AFAP1: variants seen among roughly 807,000 people sequenced by gnomAD.
AFAP1 encodes the protein actin filament-associated protein 1.
AFAP1 carries 75 observed loss-of-function variants against 93.9 expected under a neutral mutation model. The ratio of observed to expected loss-of-function variants is 0.80; its 90% CI spans 0.66 to 0.97. The LOEUF (loss-of-function observed/expected upper bound fraction) is 0.97, where lower values mean the gene tolerates loss of function less well. AFAP1 is among the 50% of genes least tolerant of loss of function. The pLI is 0.00. For missense variants in AFAP1, 1,201 were observed against 1,050.8 expected (o/e 1.14, Z -1.98); for synonymous variants, 517 against 430.7 (o/e 1.20, Z -2.48).
rs142081499 is a variant in AFAP1, at chr4:7,843,284, C to T, written c.401G>A (p.Gly134Glu). The T allele has an allele frequency of 6.2e-7, 1 of 1,614,118 alleles. No homozygotes were observed. The highest frequency in any genetic ancestry group is 8.5e-7 in the Non-Finnish European group (1 of 1,180,014). ...GGGCCACTGGTGCCGGGTTTTCTTC[C>T]CCTTCCCATCCTCCTCCTCTTCATC... The part of the protein sequence containing the change: ...SYDEEEEDGK[G>E]KKTRHQWPSE... Residue 134 changes from glycine (G) to glutamate (E), a missense_variant, in exon 5 of 18, where the codon GGG (glycine) becomes GAG (glutamate). By Grantham distance (98) the Gly-to-Glu change is moderately conservative (BLOSUM62 -2). Transcript: ENST00000420658.
intron 5 of AFAP1, among the ~76,000 whole-genome samples, chr4:7,840,113 ACAGACCAGGAC>A (rs1204530977): frequency 6.6e-6 from 1 of 152,118 alleles, no homozygotes; most frequent in Non-Finnish European, 1.5e-5. Flanking sequence ...CTGAAAAGTG[ACAGACCAGGAC>A]CAGACCAGGA....
chr4:7,866,957 T>C (rs941516282), intron 3 of AFAP1, among the ~76,000 whole-genome samples: 1 of 150,760 alleles, frequency 6.6e-6, no homozygotes, highest in Admixed American at 6.6e-5. Flanking sequence ...GAGGATTGCT[T>C]GAGTCCAAGA....
At chr4:7,933,905 G>A (rs1449444595) in intron 1 of AFAP1, among the ~76,000 whole-genome samples, 6 of 152,244 alleles carry the variant, frequency 3.9e-5, no homozygotes, top group African/African-American at 9.6e-5. Flanking sequence ...ACTGTGAGAT[G>A]ATACAATTTC....
At chr4:7,892,730 C>G (rs755630082) in intron 1 of AFAP1, among the ~76,000 whole-genome samples, 1 of 152,150 alleles carries the variant, frequency 6.6e-6, no homozygotes, top group Non-Finnish European at 1.5e-5. Context: ...ACCGAACAAA[C>G]CACCATCATT....
chr4:7,791,047 C>T (rs886883137), intron 11 of AFAP1, among the ~76,000 whole-genome samples: 2 of 152,212 alleles, frequency 1.3e-5, no homozygotes, highest in Non-Finnish European at 2.9e-5. Flanking sequence ...AGTATCCATT[C>T]ACCATTCAAG....
At chr4:7,795,571 C>T (rs528648140) in intron 10 of AFAP1, among the ~76,000 whole-genome samples, 33 of 151,652 alleles carry the variant, frequency 2.2e-4, no homozygotes, top group South Asian at 8.4e-4. Context: ...ACTACAGGTG[C>T]CCACCACCAC....
chr4:7,919,209 G>C (rs1246464047), intron 1 of AFAP1, among the ~76,000 whole-genome samples: 1 of 152,166 alleles, frequency 6.6e-6, no homozygotes, highest in Non-Finnish European at 1.5e-5. Flanking sequence ...AGATTATCCC[G>C]GCCCAACGGC....
At chr4:7,838,764 A>G in intron 5 of AFAP1, 61 bp from the exon 6 acceptor site, 1 of 1,574,446 alleles carries the variant, frequency 6.4e-7, no homozygotes, top group Non-Finnish European at 8.6e-7. Context: ...AACACTGAGG[A>G]AGCTCTAGCA....
chr4:7,764,393 A>G (rs377525867), intron 17 of AFAP1, among the ~76,000 whole-genome samples: 1,610 of 106,846 alleles, frequency 0.015, 35 homozygotes, highest in African/African-American at 0.053. Flanking sequence ...CAAAAAATAT[A>G]AAAAAAAAAG....
chr4:7,878,267 G>A (rs1407655074), intron 1 of AFAP1, among the ~76,000 whole-genome samples: 4 of 152,180 alleles, frequency 2.6e-5, no homozygotes, highest in Non-Finnish European at 5.9e-5. Flanking sequence ...CACGCAGCAG[G>A]TGTAGGACAC....
intron 1 of AFAP1, among the ~76,000 whole-genome samples, chr4:7,892,232 T>G (rs1718513970): frequency 6.6e-6 from 1 of 152,128 alleles, no homozygotes; most frequent in Non-Finnish European, 1.5e-5. Flanking sequence ...CATTTCTAAG[T>G]ACAGAAGCAT....
At chr4:7,931,323 A>G (rs1403906077) in intron 1 of AFAP1, among the ~76,000 whole-genome samples, 1 of 152,218 alleles carries the variant, frequency 6.6e-6, no homozygotes, top group South Asian at 2.1e-4. Flanking sequence ...TTTGCTAAAA[A>G]TGAGTATTTA....
chr4:7,813,780 G>C (rs999847204), intron 8 of AFAP1, among the ~76,000 whole-genome samples: 1 of 152,134 alleles, frequency 6.6e-6, no homozygotes, highest in Non-Finnish European at 1.5e-5. Context: ...GAAAAAAGTG[G>C]GTATCGTGAC....
chr4:7,851,045 A>AGAGGCCTTT, intron 4 of AFAP1, among the ~76,000 whole-genome samples: 1 of 151,788 alleles, frequency 6.6e-6, no homozygotes, highest in Non-Finnish European at 1.5e-5. Context: ...TGAAACCCTC[A>AGAGGCCTTT]CTGCTCCGCA....
chr4:7,876,607 C>T (rs1717525015), intron 1 of AFAP1, among the ~76,000 whole-genome samples: 1 of 152,172 alleles, frequency 6.6e-6, no homozygotes, highest in Non-Finnish European at 1.5e-5. Context: ...GGCAGGCAGC[C>T]CCGCAAGAGA....
intron 5 of AFAP1, chr4:7,842,924 G>A: frequency 1.8e-6 from 1 of 545,846 alleles, no homozygotes; most frequent in Non-Finnish European, 3.2e-6. Flanking sequence ...TTTGGAGCTG[G>A]GAAACCGGCA....
At position 7,870,947 on chromosome 4, in the gene AFAP1, A is replaced by C. The variant is rs116654443; in HGVS notation, c.127+1005T>G. 5.9e-3 allele frequency among the ~76,000 whole-genome samples: 894 copies of C among 152,286 alleles called. 7 individuals carry two copies. Among genetic ancestry groups the C allele is most frequent in the African/African-American group, 0.019 (779 of 41,568 alleles). ...ATGGCCTGTGAATCACATCTCAATA[A>C]AGAGGTTTAAAAGAAAAATCCTCCA... On this transcript the variant is annotated intron_variant, in intron 2 of 17. Transcript: ENST00000420658.
intron 9 of AFAP1, among the ~76,000 whole-genome samples, chr4:7,807,523 C>G (rs1005798094): frequency 2.2e-4 from 33 of 152,200 alleles, no homozygotes; most frequent in African/African-American, 7.7e-4. Flanking sequence ...GGAAAAACAT[C>G]AGTACCAACT....
chr4:7,930,339 C>A (rs181414767), intron 1 of AFAP1, among the ~76,000 whole-genome samples: 110 of 152,176 alleles, frequency 7.2e-4, no homozygotes, highest in Middle Eastern at 3.4e-3. Flanking sequence ...ATGGAGTTTT[C>A]ATAACATAGA....
Sources: gnomAD v4.1 joint callset for allele counts (sites outside exome capture counted in the v4.1 genomes callset) on GRCh38, gnomAD v4.1.1 for gene constraint, MANE v1.5 for transcripts, NCBI Gene and HGNC (gene_info 2026-07-23, HGNC 2026-07-21) for gene names.